Variants in POLA1 observed in about 807,000 individuals in gnomAD.
The protein encoded by POLA1 is DNA polymerase alpha 1, catalytic subunit.
Under a neutral mutation model 124.0 loss-of-function variants are expected in POLA1, and 15 were observed. The ratio of observed to expected loss-of-function variants is 0.12; its 90% confidence interval spans 0.08 to 0.19. POLA1 has a LOEUF of 0.19. Among genes scored for constraint, POLA1 ranks in the 10% least tolerant of loss-of-function variants. The probability of loss-of-function intolerance (pLI) is 1.00; values close to 1 mark genes in which losing one functional copy is unlikely to be tolerated. For missense variants in POLA1, 886 were observed against 1,103.4 expected (o/e 0.80, Z 2.79); for synonymous variants, 408 against 389.4 (o/e 1.05, Z -0.56).
intron 34 of POLA1, among the ~76,000 whole-genome samples, chrX:24,848,386 G>A (rs2046503845): frequency 8.9e-6 from 1 of 112,374 alleles, no homozygotes; most frequent in African/African-American, 3.2e-5. Flanking sequence ...ATGATGCTGA[G>A]CCTTAGCATG....
In POLA1 at chrX:24,952,743, G is replaced by C. The variant is rs762501699; in HGVS notation, c.4261+22194G>C. ...GTCTTTGGATCTTTGTCTCAAGAAA[G>C]AAATGAGATATGTTGTATTTTATAA... On this transcript the variant is annotated intron_variant, in intron 36 of 36. Transcript: ENST00000379068. Among the ~76,000 whole-genome samples, 3 of 112,163 alleles carry C rather than the reference G, an allele frequency of 2.7e-5. No individual in the cohort carries two copies. The Admixed American group carries it at 2.8e-4, about 11-fold the overall frequency.
intron 12 of POLA1, 71 bp downstream of exon 12, chrX:24,724,522 G>A: frequency 1.9e-6 from 1 of 526,918 alleles, no homozygotes; most frequent in Non-Finnish European, 3.2e-6. Flanking sequence ...AATAGTTATT[G>A]CATATTTTCT....
intron 35 of POLA1, among the ~76,000 whole-genome samples, chrX:24,902,049 C>A (rs1015870308): frequency 9.0e-6 from 1 of 111,569 alleles, no homozygotes; most frequent in African/African-American, 3.3e-5. Context: ...CATGCATGTA[C>A]AGATCCCTGA....
intron 36 of POLA1, among the ~76,000 whole-genome samples, chrX:24,964,638 C>G (rs2048203079): frequency 8.9e-6 from 1 of 112,403 alleles, no homozygotes; most frequent in African/African-American, 3.2e-5. Flanking sequence ...CACTTGACAC[C>G]AGTCACATTC....
At chrX:24,941,384 TTTG>T (rs2047907061) in intron 36 of POLA1, among the ~76,000 whole-genome samples, 1 of 112,314 alleles carries the variant, frequency 8.9e-6, no homozygotes, top group African/African-American at 3.2e-5. Flanking sequence ...GCTTTCTTGC[TTTG>T]CATGTGAATT....
intron 36 of POLA1, among the ~76,000 whole-genome samples, chrX:24,935,446 T>G (rs1172772300): frequency 8.9e-6 from 1 of 112,802 alleles, no homozygotes; most frequent in Non-Finnish European, 1.9e-5. Flanking sequence ...AAGCCTGACT[T>G]CCCAGTGGGG....
chrX:24,716,572 A>G, intron 7 of POLA1, 118 bp downstream of exon 7: 2 of 464,747 alleles, frequency 4.3e-6, no homozygotes, highest in Non-Finnish European at 7.6e-6. Flanking sequence ...GTTTTAAATT[A>G]GGACTCCCAT....
intron 36 of POLA1, among the ~76,000 whole-genome samples, chrX:24,972,893 A>G (rs1251326453): frequency 4.4e-5 from 5 of 112,589 alleles, no homozygotes; most frequent in Non-Finnish European, 9.4e-5. Flanking sequence ...TTGATAATTA[A>G]CCAGCATGGT....
intron 26 of POLA1, among the ~76,000 whole-genome samples, chrX:24,777,657 T>C (rs951195468): frequency 1.2e-4 from 13 of 112,195 alleles, no homozygotes; most frequent in African/African-American, 4.2e-4. Flanking sequence ...CCTTTGGGGA[T>C]CTTGGGAAGA....
At chrX:24,863,265 C>CA (rs1041218685) in intron 34 of POLA1, among the ~76,000 whole-genome samples, 10 of 107,919 alleles carry the variant, frequency 9.3e-5, no homozygotes, top group Admixed American at 6.0e-4. Context: ...TATGCCCCCC[C>CA]CCATCTTCCA....
intron 26 of POLA1, among the ~76,000 whole-genome samples, chrX:24,803,997 G>A (rs1198741847): frequency 3.8e-5 from 3 of 79,018 alleles, no homozygotes; most frequent in Non-Finnish European, 7.1e-5. Context: ...TCTTTGCAAA[G>A]CACTTTTTAA....
chrX:24,970,538 A>G lies in POLA1; in HGVS notation c.4262-25267A>G, dbSNP rs557441342. The stretch of plus-strand genomic sequence containing the variant: ...ACAGACAATCTACAGAATGGGAGAT[A>G]GTTTTTGCAATCTATCCATCTGACA... On this transcript the variant is annotated intron_variant, in intron 36 of 36. Coordinates refer to ENST00000379068, the MANE Select transcript of POLA1 (RefSeq NM_001330360.2). 5.4e-5 allele frequency among the ~76,000 whole-genome samples: 6 copies of G among 111,790 alleles called. No individual in the cohort carries two copies. The Admixed American group carries it at 5.7e-4, about 11-fold the overall frequency.
intron 11 of POLA1, 127 bp downstream of exon 11, chrX:24,723,394 C>A: frequency 4.3e-6 from 2 of 469,231 alleles, no homozygotes; most frequent in Non-Finnish European, 7.5e-6. Flanking sequence ...TTCTTTCTTG[C>A]TGCTTGCCTG....
chrX:24,929,937 A>G (rs1304826053), intron 35 of POLA1, among the ~76,000 whole-genome samples: 3 of 111,998 alleles, frequency 2.7e-5, no homozygotes, highest in African/African-American at 9.7e-5. Flanking sequence ...CCCACTTAGG[A>G]TTACCACAGA....
intron 36 of POLA1, among the ~76,000 whole-genome samples, chrX:24,995,280 C>T (rs933892145): frequency 5.4e-5 from 6 of 110,792 alleles, no homozygotes; most frequent in Non-Finnish European, 1.1e-4. Flanking sequence ...CCCTCGGGGC[C>T]GCTCACCTCT....
intron 32 of POLA1, among the ~76,000 whole-genome samples, chrX:24,827,136 C>G (rs1180743416): frequency 8.9e-6 from 1 of 112,065 alleles, no homozygotes; most frequent in East Asian, 2.8e-4. Flanking sequence ...TGGCTGATTT[C>G]TAAGTTATCA....
At position 24,742,170 on chromosome X, in the gene POLA1, C is replaced by G. The variant is rs374964044; in HGVS notation, c.2466+49C>G. The G allele has an allele frequency of 1.1e-3, 793 of 752,941 alleles. 2 individuals carry two copies. In the African/African-American group the frequency reaches 0.011, roughly 11 times the overall value. The allele number at this position is 752,941 out of a possible 1,213,427, so 62.1% of individuals were successfully genotyped here. ...TTTGTTTTCTCTTAACCCCCCCCCC[C>G]CTTTTAATACCTAGATAGCCTTTTT... On this transcript the variant is annotated intron_variant, in intron 22 of 36. Transcript: ENST00000379068.
chrX:24,697,529 CAA>C, intron 1 of POLA1, among the ~76,000 whole-genome samples: 1 of 111,608 alleles, frequency 9.0e-6, no homozygotes, highest in African/African-American at 3.3e-5. Flanking sequence ...GAAAGTCAAA[CAA>C]TAGAGTGTGA....
intron 36 of POLA1, among the ~76,000 whole-genome samples, chrX:24,987,448 A>G (rs1305126550): frequency 1.8e-5 from 2 of 112,053 alleles, no homozygotes; most frequent in African/African-American, 6.5e-5. Context: ...TTAAAGTGCA[A>G]TGCTTATTTA....
Sources: allele counts gnomAD v4.1 joint callset (sites outside exome capture counted in the v4.1 genomes callset), GRCh38; gene constraint gnomAD v4.1.1; transcripts MANE v1.5; gene names NCBI Gene and HGNC (gene_info 2026-07-23, HGNC 2026-07-21).